The following XIRP2 variants were observed in gnomAD, a reference collection of about 807,000 sequenced individuals.
XIRP2 encodes the protein xin actin binding repeat containing 2, also known as xin actin-binding repeat-containing protein 2.
XIRP2 carries 236 observed loss-of-function variants against 277.0 expected under a neutral mutation model. The observed-to-expected ratio is 0.85, with a 90% CI of 0.77 to 0.95. The LOEUF (loss-of-function observed/expected upper bound fraction) is 0.95, where lower values mean the gene tolerates loss of function less well. XIRP2 is among the 40% of genes least tolerant of loss of function. XIRP2 has a pLI of 0.00. For synonymous variants in XIRP2, 1,490 were observed against 1,416.5 expected, an observed-to-expected ratio of 1.05 and a Z score of -1.17; for missense variants, 4,640 against 4,157.5, an observed-to-expected ratio of 1.12 and a Z score of -3.19.
rs371854383 is a variant in XIRP2 at position 167,244,880 on chromosome 2, G to A, written c.3488G>A (p.Arg1163His). 9.1e-5 allele frequency: 147 copies of A among 1,613,562 alleles called. 3 individuals carry two copies. The highest frequency in any genetic ancestry group is 6.8e-4 in the African/African-American group (51 of 74,984). ...GAGGAGATCCAAGGTGGGGATGTTCGTACAGCATGTTTTCTTTTTGAGACA... is the reference window on the plus strand; with the variant it reads ...GAGGAGATCCAAGGTGGGGATGTTCATACAGCATGTTTTCTTTTTGAGACA... The part of the protein sequence containing the change: ...KQEEIQGGDV[R>H]TACFLFETEN... The change falls in exon 9 of 11, where the codon CGT becomes CAT. Residue 1163 changes from arginine to histidine, a missense_variant. Transcript: ENST00000409195.
chr2:167,015,643 A>G (rs562837915), intron 2 of XIRP2, among the ~76,000 whole-genome samples: 67 of 151,948 alleles, frequency 4.4e-4, no homozygotes, highest in African/African-American at 1.5e-3. Context: ...TTGCTCTAAT[A>G]AGATTGTGTT....
chr2:167,081,577 C>A (rs1248479612), intron 2 of XIRP2, among the ~76,000 whole-genome samples: 1 of 152,146 alleles, frequency 6.6e-6, no homozygotes, highest in East Asian at 1.9e-4. Context: ...AAACTATTCT[C>A]ACAATAAAGT....
chr2:167,030,727 C>T lies in XIRP2; in HGVS notation c.409-105182C>T, dbSNP rs996328133. The stretch of plus-strand genomic sequence containing the variant: ...GAGTTCTGCAGATGTCTATTGGGTC[C>T]GCTTGGTGCGGAGCTGAGTTCAAGT... On this transcript the variant is annotated intron_variant, in intron 2 of 10. Transcript: ENST00000409195. Among the ~76,000 whole-genome samples, 165 of 152,112 alleles carry T rather than the reference C, an allele frequency of 1.1e-3. 1 individual carries two copies. Among genetic ancestry groups the T allele is most frequent in the Non-Finnish European group, 2.1e-4 (14 of 68,000 alleles).
intron 3 of XIRP2, among the ~76,000 whole-genome samples, chr2:167,202,427 A>G (rs1270576399): frequency 1.3e-5 from 2 of 152,250 alleles, no homozygotes; most frequent in Non-Finnish European, 2.9e-5. Context: ...GCTGCAAAAG[A>G]CACAGGACAT....
chr2:167,250,628 C>T lies in XIRP2; in HGVS notation c.9236C>T (p.Thr3079Ile). The T allele has an allele frequency of 6.2e-7, 1 of 1,613,244 alleles. No individual in the cohort carries two copies. Among genetic ancestry groups the T allele is most frequent in the South Asian group, 1.1e-5 (1 of 91,016 alleles). Residue 3079 changes from threonine to isoleucine, a missense_variant, in exon 9 of 11, where the codon ACA becomes ATA. Thr to Ile is a moderately conservative substitution (Grantham distance 89). Transcript: ENST00000409195. Reference protein sequence around the residue: ...QKENKIAKEKTVQHQVAAHHE... With the variant: ...QKENKIAKEKIVQHQVAAHHE... ...GAAAATAAAATTGCCAAAGAGAAAA[C>T]AGTACAGCACCAAGTAGCAGCTCAT... is the stretch of plus-strand genomic sequence containing the variant.
In XIRP2 at chr2:167,249,355, A is replaced by G; in HGVS notation, c.7963A>G (p.Met2655Val). The G allele has an allele frequency of 1.9e-6, 3 of 1,613,740 alleles. No individual in the cohort carries two copies. Among genetic ancestry groups the G allele is most frequent in the Non-Finnish European group, 2.5e-6 (3 of 1,179,794 alleles). Residue 2655 changes from methionine (M) to valine (V), a missense_variant, in exon 9 of 11, where the codon ATG becomes GTG. Coordinates refer to ENST00000409195, the MANE Select transcript of XIRP2 (RefSeq NM_152381.6). Reference protein sequence around the residue: ...VLAASEDKDKMKKEVLQSSRD... With the variant: ...VLAASEDKDKVKKEVLQSSRD... The stretch of plus-strand genomic sequence containing the variant: ...AGCAGCTTCAGAAGACAAAGATAAG[A>G]TGAAAAAGGAAGTTTTACAAAGCTC...
chr2:167,062,436 T>G (rs1689193306), intron 2 of XIRP2, among the ~76,000 whole-genome samples: 1 of 152,166 alleles, frequency 6.6e-6, no homozygotes, highest in African/African-American at 2.4e-5. Flanking sequence ...TTTAAAAGTT[T>G]TGTTTGTTTC....
intron 2 of XIRP2, among the ~76,000 whole-genome samples, chr2:167,121,716 T>C (rs550202760): frequency 3.6e-4 from 55 of 152,248 alleles, no homozygotes; most frequent in African/African-American, 1.3e-3. Context: ...TATTCTTGAC[T>C]GAGAAGGGAA....
chr2:166,974,459 A>C (rs1686658998), intron 2 of XIRP2, among the ~76,000 whole-genome samples: 1 of 151,934 alleles, frequency 6.6e-6, no homozygotes, highest in Admixed American at 6.6e-5. Flanking sequence ...TTTAAAAGTT[A>C]TATATATATA....
rs77219745 is a variant in XIRP2 at position 167,246,908 on chromosome 2, G to A, written c.5516G>A (p.Gly1839Asp). ...ATACCCAAAGAAGAGATTATAAAAGGTGATTTGACATCAACCCTAAATTCC... is the reference window on the plus strand; with the variant it reads ...ATACCCAAAGAAGAGATTATAAAAGATGATTTGACATCAACCCTAAATTCC... The part of the protein sequence containing the change: ...GKIPKEEIIK[G>D]DLTSTLNSLS... The change falls in exon 9 of 11, where the codon GGT (glycine) becomes GAT (aspartate). Residue 1839 changes from glycine (G) to aspartate (D), a missense_variant. Physicochemically the swap from Gly to Asp is moderately conservative, Grantham distance 94. Transcript: ENST00000409195. 1.7e-3 allele frequency: 2,716 copies of A among 1,613,344 alleles called. 80 individuals are homozygous for A. In the East Asian group the frequency reaches 0.056, roughly 33 times the overall value.
chr2:167,084,146 A>G (rs1257165431), intron 2 of XIRP2, among the ~76,000 whole-genome samples: 1 of 152,192 alleles, frequency 6.6e-6, no homozygotes, highest in Non-Finnish European at 1.5e-5. Flanking sequence ...AGTTTTTAGC[A>G]TGAATTGTTG....
chr2:166,942,379 C>G (rs905540992), intron 2 of XIRP2, among the ~76,000 whole-genome samples: 1 of 152,170 alleles, frequency 6.6e-6, no homozygotes, highest in African/African-American at 2.4e-5. Flanking sequence ...TATTACTTCT[C>G]TTTATTTTCA....
intron 2 of XIRP2, among the ~76,000 whole-genome samples, chr2:167,016,189 C>T (rs1354696016): frequency 6.6e-6 from 1 of 151,744 alleles, no homozygotes; most frequent in South Asian, 2.1e-4. Flanking sequence ...CCTCCTTTTT[C>T]TCCTTCCTCC....
At chr2:167,021,028 C>T (rs1035467773) in intron 2 of XIRP2, among the ~76,000 whole-genome samples, 4 of 152,024 alleles carry the variant, frequency 2.6e-5, no homozygotes, top group African/African-American at 9.7e-5. Flanking sequence ...ACATATAATT[C>T]TTCTAGAGTC....
chr2:166,937,175 A>G (rs1248799182), intron 2 of XIRP2, among the ~76,000 whole-genome samples: 1 of 152,196 alleles, frequency 6.6e-6, no homozygotes, highest in African/African-American at 2.4e-5. Flanking sequence ...TGCCAGTTTC[A>G]AAGGGAATGC....
intron 2 of XIRP2, among the ~76,000 whole-genome samples, chr2:167,099,415 T>C (rs917235447): frequency 3.9e-5 from 6 of 152,138 alleles, no homozygotes; most frequent in African/African-American, 1.4e-4. Context: ...GCGGCGAGAA[T>C]TTCAAGACAG....
chr2:167,228,564 A>C (rs924378758), intron 5 of XIRP2, among the ~76,000 whole-genome samples: 1 of 152,144 alleles, frequency 6.6e-6, no homozygotes, highest in African/African-American at 2.4e-5. Flanking sequence ...TGCTGAAAAA[A>C]AACTAAGTAC....
chr2:167,000,505 GT>G (rs1161786649), intron 2 of XIRP2, among the ~76,000 whole-genome samples: 1 of 143,092 alleles, frequency 7.0e-6, no homozygotes, highest in Non-Finnish European at 1.5e-5. Flanking sequence ...TTGTTTTGGG[GT>G]TTTTTTGTTT....
intron 3 of XIRP2, among the ~76,000 whole-genome samples, chr2:167,201,246 GAAAGAAAGAAAGAA>G (rs1559018344): frequency 4.2e-4 from 41 of 96,720 alleles, no homozygotes; most frequent in African/African-American, 1.7e-3. Context: ...AAGAAAGAAA[GAAAGAAAGAAAGAA>G]AGAGAGAGGG....
Sources: allele counts gnomAD v4.1 joint callset (sites outside exome capture counted in the v4.1 genomes callset), GRCh38; gene constraint gnomAD v4.1.1; transcripts MANE v1.5; gene names NCBI Gene and HGNC (gene_info 2026-07-23, HGNC 2026-07-21).